The following RB1CC1 variants were observed in gnomAD, a reference collection of about 807,000 sequenced individuals.
RB1CC1 encodes the protein RB1-inducible coiled-coil protein 1.
A neutral mutation model predicts 177.5 loss-of-function variants in RB1CC1; 46 were observed. The ratio of observed to expected loss-of-function variants is 0.26; its 90% CI spans 0.20 to 0.33. The LOEUF (loss-of-function observed/expected upper bound fraction) is 0.33. Ranked by LOEUF, RB1CC1 falls within the 10% of genes least tolerant of loss-of-function variation. The probability of loss-of-function intolerance (pLI) is 1.00; values close to 1 mark genes in which losing one functional copy is unlikely to be tolerated. For synonymous variants in RB1CC1, 666 were observed against 613.6 expected (o/e 1.09, Z -1.26); for missense variants, 1,703 against 1,816.3 (o/e 0.94, Z 1.13).
intron 5 of RB1CC1, among the ~76,000 whole-genome samples, chr8:52,680,142 AG>A (rs1481257869): frequency 1.7e-4 from 26 of 152,320 alleles, no homozygotes; most frequent in East Asian, 7.7e-4. Context: ...AATTTAGTGT[AG>A]AAAAAAAGAA....
chr8:52,638,823 T>C (rs1849346677), intron 18 of RB1CC1, among the ~76,000 whole-genome samples: 1 of 152,124 alleles, frequency 6.6e-6, no homozygotes. Flanking sequence ...AATGTCCCAT[T>C]CTGAGGAGTC....
chr8:52,629,839 T>C (rs1848636680), intron 21 of RB1CC1, among the ~76,000 whole-genome samples: 1 of 152,134 alleles, frequency 6.6e-6, no homozygotes, highest in East Asian at 1.9e-4. Context: ...CAGCTTTCAT[T>C]TGTCCCACCT....
chr8:52,642,106 T>C (rs1286122477), intron 18 of RB1CC1, among the ~76,000 whole-genome samples: 1 of 152,150 alleles, frequency 6.6e-6, no homozygotes, highest in Non-Finnish European at 1.5e-5. Flanking sequence ...ACTACTGCCA[T>C]GATCCTTATC....
At chr8:52,626,979 C>A (rs1848441695) in intron 22 of RB1CC1, among the ~76,000 whole-genome samples, 1 of 151,886 alleles carries the variant, frequency 6.6e-6, no homozygotes, top group Non-Finnish European at 1.5e-5. Context: ...TGCTTGGGCC[C>A]AGGAGTTCAA....
chr8:52,703,274 G>A (rs751751039), intron 1 of RB1CC1, among the ~76,000 whole-genome samples: 7 of 151,826 alleles, frequency 4.6e-5, no homozygotes, highest in East Asian at 1.9e-4. Context: ...ACTGCATATC[G>A]GGCTCTAACA....
At chr8:52,674,337 T>C in intron 6 of RB1CC1, 63 bp from the exon 7 acceptor site, 1 of 1,362,970 alleles carries the variant, frequency 7.3e-7, no homozygotes, top group Non-Finnish European at 1.0e-6. Flanking sequence ...ATTAGCATGT[T>C]TGAATGAAAT....
intron 1 of RB1CC1, among the ~76,000 whole-genome samples, chr8:52,708,787 T>C (rs1458103312): frequency 1.3e-5 from 2 of 152,138 alleles, no homozygotes; most frequent in Non-Finnish European, 2.9e-5. Context: ...TTTTAAAAAA[T>C]ATTGATCCGA....
At chr8:52,625,778 T>C (rs1447180450) in intron 22 of RB1CC1, among the ~76,000 whole-genome samples, 1 of 152,170 alleles carries the variant, frequency 6.6e-6, no homozygotes, top group African/African-American at 2.4e-5. Context: ...ATACCGAAAG[T>C]AGGGTTTCTA....
chr8:52,649,897 T>C (rs573544260), intron 15 of RB1CC1, among the ~76,000 whole-genome samples: 1 of 152,346 alleles, frequency 6.6e-6, no homozygotes, highest in East Asian at 1.9e-4. Context: ...AATTCCAAAT[T>C]AAATAGAAGA....
At chr8:52,699,883 A>T (rs1364898523) in intron 1 of RB1CC1, among the ~76,000 whole-genome samples, 1 of 144,570 alleles carries the variant, frequency 6.9e-6, no homozygotes, top group Non-Finnish European at 1.5e-5. Context: ...AAGAAAGCTT[A>T]TAGAACAATC....
chr8:52,643,670 C>T (rs1291797432), intron 16 of RB1CC1, among the ~76,000 whole-genome samples: 11 of 114,350 alleles, frequency 9.6e-5, no homozygotes, highest in African/African-American at 3.8e-4. Flanking sequence ...GCCTGAATGA[C>T]AGAGTAAGAC....
At chr8:52,698,243 A>AT (rs918698134) in intron 1 of RB1CC1, among the ~76,000 whole-genome samples, 1 of 151,848 alleles carries the variant, frequency 6.6e-6, no homozygotes, top group African/African-American at 2.4e-5. Flanking sequence ...TGCCCAGCTA[A>AT]TTTTTTGTAT....
rs1563338587 is a variant in RB1CC1, at chr8:52,623,531, G to A, written c.*251C>T. The A allele has an allele frequency of 2.2e-5, 10 of 459,990 alleles. No homozygotes were observed. Among genetic ancestry groups the A allele is most frequent in the Non-Finnish European group, 2.0e-5 (5 of 246,872 alleles). 28.5% of individuals were successfully genotyped at this position (459,990 alleles called of 1,614,324 possible). A position where few individuals can be genotyped will look rare whatever the true frequency, so the allele number is the denominator to read the frequency against. ...TTGAGAAAATGAAGTAGTTTGGTCC[G>A]CATTTCTAGAGTTGTCTGGGTAAAA... On this transcript the variant is annotated 3_prime_UTR_variant, in exon 24 of 24. Transcript: ENST00000025008.
intron 20 of RB1CC1, among the ~76,000 whole-genome samples, chr8:52,631,766 G>A (rs577926131): frequency 2.6e-5 from 4 of 152,232 alleles, no homozygotes; most frequent in East Asian, 3.9e-4. Context: ...GAGGCACCCC[G>A]CTACACTCTT....
intron 22 of RB1CC1, among the ~76,000 whole-genome samples, chr8:52,626,131 T>C (rs546802740): frequency 5.8e-4 from 88 of 152,174 alleles, no homozygotes; most frequent in African/African-American, 2.0e-3. Context: ...AGAAGAGTAA[T>C]GAGCCCCACT....
intron 5 of RB1CC1, among the ~76,000 whole-genome samples, chr8:52,679,189 A>G (rs1563428961): frequency 6.6e-6 from 1 of 152,224 alleles, no homozygotes; most frequent in Non-Finnish European, 1.5e-5. Flanking sequence ...CCTGCCTCCA[A>G]TTTTATTCCT....
chr8:52,713,684 G>C (rs1857248274), intron 1 of RB1CC1, among the ~76,000 whole-genome samples: 1 of 152,192 alleles, frequency 6.6e-6, no homozygotes, highest in Non-Finnish European at 1.5e-5. Context: ...GATGCGTCTT[G>C]GGAGGTTCGG....
rs1848522587 is a variant in RB1CC1, at chr8:52,628,094, G to A, written c.4574C>T (p.Pro1525Leu). ...CTCTGAATGTAGAAAATATAAAGTA[G>A]GACTAACAGTAAATAACACATAATT... ...HDNYVLFTVSPTLYFLHSESL... is the reference protein window; with the variant it reads ...HDNYVLFTVSLTLYFLHSESL... Residue 1525 changes from proline to leucine, a missense_variant, in exon 22 of 24, where the codon CCT becomes CTT. Pro to Leu is a moderately conservative substitution (Grantham distance 98). This residue lies in a region of RB1CC1 where 70 missense variants were observed against 118.0 expected (regional missense o/e 0.59). Coordinates refer to ENST00000025008, the MANE Select transcript of RB1CC1 (RefSeq NM_014781.5). 6.2e-7 allele frequency: 1 copy of A among 1,605,456 alleles called. No homozygotes were observed. Among genetic ancestry groups the A allele is most frequent in the African/African-American group, 1.3e-5 (1 of 74,540 alleles).
chr8:52,656,948 C>G lies in RB1CC1; in HGVS notation c.2881G>C (p.Asp961His). The stretch of plus-strand genomic sequence containing the variant: ...TTTTCAACATGGAGCTTTTTTAAGT[C>G]TTCTAACACTATTTCTCGTGACTGC... ...LKQSREIVLE[D>H]LKKLHVENDE... Residue 961 changes from aspartate to histidine, a missense_variant, in exon 15 of 24, where the codon GAC becomes CAC. Physicochemically the swap from Asp to His is moderately conservative, Grantham distance 81. Transcript: ENST00000025008. The G allele has an allele frequency of 6.2e-7, 1 of 1,613,436 alleles. No individual in the cohort carries two copies. The highest frequency in any genetic ancestry group is 8.5e-7 in the Non-Finnish European group (1 of 1,179,908).
Sources: allele counts gnomAD v4.1 joint callset (sites outside exome capture counted in the v4.1 genomes callset), GRCh38; gene constraint gnomAD v4.1.1; regional missense constraint gnomAD v4.1.1; transcripts MANE v1.5; gene names NCBI Gene and HGNC (gene_info 2026-07-23, HGNC 2026-07-21).